Variants in NAV1 observed in about 807,000 individuals in gnomAD.
NAV1 encodes pore membrane and/or filament interacting like protein 3.
In NAV1, 18 loss-of-function variants were observed where a neutral mutation model predicts 175.2. The ratio of observed to expected loss-of-function variants is 0.10; its 90% CI spans 0.07 to 0.15. The LOEUF (loss-of-function observed/expected upper bound fraction) is 0.15, where lower values mean the gene tolerates loss of function less well. Among genes scored for constraint, NAV1 ranks in the 10% least tolerant of loss-of-function variants. NAV1 has a pLI of 1.00. For synonymous variants in NAV1, 897 were observed against 978.7 expected (o/e 0.92, Z 1.56); for missense variants, 1,731 against 2,436.6 (o/e 0.71, Z 6.10).
chr1:201,707,600 TTGA>T (rs1224629483), intron 1 of NAV1, among the ~76,000 whole-genome samples: 2 of 152,202 alleles, frequency 1.3e-5, no homozygotes, highest in African/African-American at 2.4e-5. Context: ...TCCCAATCTC[TTGA>T]TGAGCAATTT....
At position 201,808,787 on chromosome 1, in the gene NAV1, C is replaced by T. The variant is rs1678489667; in HGVS notation, c.4123C>T (p.Pro1375Ser). ...ATCAGGCTCCACTCCAGGGCAGGTC[C>T]CTGGATCATCTGCATTATCTTCCCC... The change falls in exon 20 of 30, where the codon CCT becomes TCT. Residue 1375 changes from proline (P) to serine (S), a missense_variant. Physicochemically the swap from Pro to Ser is moderately conservative, Grantham distance 74. Transcript: ENST00000367296. The surrounding 1 kb of genome is among the most constrained non-coding windows in gnomAD (Gnocchi z 5.5). The T allele has an allele frequency of 6.2e-7, 1 of 1,614,152 alleles. No individual in the cohort carries two copies.
chr1:201,758,698 G>T (rs990430042), intron 3 of NAV1, among the ~76,000 whole-genome samples: 8 of 152,204 alleles, frequency 5.3e-5, no homozygotes, highest in African/African-American at 1.4e-4. Flanking sequence ...ACACCGTTTG[G>T]AAAGCTGCCA....
intron 1 of NAV1, among the ~76,000 whole-genome samples, chr1:201,585,425 T>C (rs1666994400): frequency 6.6e-6 from 1 of 152,094 alleles, no homozygotes; most frequent in Non-Finnish European, 1.5e-5. Flanking sequence ...TGAGAAGCTC[T>C]TCATTCACAG....
intron 1 of NAV1, among the ~76,000 whole-genome samples, chr1:201,573,354 G>A (rs7519152): frequency 0.026 from 3,983 of 152,198 alleles, 161 homozygotes; most frequent in African/African-American, 0.09. Flanking sequence ...CACCTGTACC[G>A]TATTCACACT....
chr1:201,700,826 A>G (rs1405753269), intron 1 of NAV1, among the ~76,000 whole-genome samples: 1 of 151,980 alleles, frequency 6.6e-6, no homozygotes, highest in South Asian at 2.1e-4. Context: ...CCTGGCTAAC[A>G]TGGTGAAACC....
At chr1:201,696,113 G>A (rs1475009710) in intron 1 of NAV1, among the ~76,000 whole-genome samples, 1 of 152,186 alleles carries the variant, frequency 6.6e-6, no homozygotes, top group Non-Finnish European at 1.5e-5. Context: ...AGGTAGTGGG[G>A]ACAGGGCAGA....
At chr1:201,818,079 A>C (rs1158382081) in intron 29 of NAV1, among the ~76,000 whole-genome samples, 1 of 152,016 alleles carries the variant, frequency 6.6e-6, no homozygotes, top group East Asian at 1.9e-4. Flanking sequence ...AAAACAAAAA[A>C]ATTAGCTGGG....
At chr1:201,777,511 T>G (rs1378228594) in intron 3 of NAV1, among the ~76,000 whole-genome samples, 1 of 152,136 alleles carries the variant, frequency 6.6e-6, no homozygotes, top group East Asian at 1.9e-4. Flanking sequence ...CAGGCTGGTC[T>G]TGAACACCTG....
At chr1:201,672,924 G>A (rs888396893) in intron 1 of NAV1, among the ~76,000 whole-genome samples, 4 of 152,158 alleles carry the variant, frequency 2.6e-5, no homozygotes, top group African/African-American at 9.7e-5. Context: ...ATGCCAGTGG[G>A]GACGACTGAA....
exon 30 of NAV1, chr1:201,820,245 G>A: frequency 4.2e-6 from 1 of 237,460 alleles, no homozygotes; most frequent in Non-Finnish European, 8.2e-6. Flanking sequence ...AAACTCCTGG[G>A]CTTTCTGGGG....
chr1:201,808,183 G>A lies in NAV1; in HGVS notation c.3845+34G>A, dbSNP rs1379475069. On this transcript the variant is annotated intron_variant, in intron 18 of 29. Coordinates refer to ENST00000367296, the Ensembl canonical transcript of NAV1. The surrounding 1 kb of genome is among the most constrained non-coding windows in gnomAD (Gnocchi z 5.5). Reference sequence around the variant, plus strand: ...TCTTTGGCTCCCTGCCACCCAGCCTGTTACCAGTGTAAGCTGTGGGCTAGA... The same window carrying A: ...TCTTTGGCTCCCTGCCACCCAGCCTATTACCAGTGTAAGCTGTGGGCTAGA... 6 of 1,609,396 alleles carry A rather than the reference G, an allele frequency of 3.7e-6. No individual in the cohort carries two copies. The highest frequency in any genetic ancestry group is 5.1e-6 in the Non-Finnish European group (6 of 1,176,418).
At chr1:201,803,758 G>A (rs1465209180) in intron 16 of NAV1, 44 bp downstream of exon 20, 1 of 1,596,644 alleles carries the variant, frequency 6.3e-7, no homozygotes, top group African/African-American at 1.3e-5. Flanking sequence ...GAACCGTGGT[G>A]GACCGCCTTC....
chr1:201,601,970 G>A (rs1174825402), intron 2 of NAV1, among the ~76,000 whole-genome samples: 1 of 152,114 alleles, frequency 6.6e-6, no homozygotes. Context: ...GCCAGCTCAG[G>A]TTATCAGCTG....
At chr1:201,759,934 A>T (rs1674737723) in intron 3 of NAV1, among the ~76,000 whole-genome samples, 1 of 152,238 alleles carries the variant, frequency 6.6e-6, no homozygotes, top group Non-Finnish European at 1.5e-5. Flanking sequence ...AGCTCCTTCA[A>T]GTCCTGAGGT....
intron 1 of NAV1, among the ~76,000 whole-genome samples, chr1:201,583,724 T>G (rs570192364): frequency 6.6e-6 from 1 of 152,366 alleles, no homozygotes; most frequent in African/African-American, 2.4e-5. Context: ...GCCAGCTCCC[T>G]GGAGTAACTG....
intron 1 of NAV1, among the ~76,000 whole-genome samples, chr1:201,702,355 TTTTA>T (rs1428959500): frequency 6.6e-6 from 1 of 152,142 alleles, no homozygotes; most frequent in Admixed American, 6.5e-5. Context: ...GAACTGTACA[TTTTA>T]TTTGTTTTTT....
chr1:201,746,649 T>C (rs1188407305), intron 3 of NAV1, among the ~76,000 whole-genome samples: 1 of 151,942 alleles, frequency 6.6e-6, no homozygotes, highest in Non-Finnish European at 1.5e-5. Flanking sequence ...GAGCAGCACG[T>C]TAGGAGCGCA....
intron 3 of NAV1, among the ~76,000 whole-genome samples, chr1:201,758,532 C>T (rs1036793071): frequency 6.6e-6 from 1 of 152,184 alleles, no homozygotes; most frequent in African/African-American, 2.4e-5. Flanking sequence ...GAACTAACCT[C>T]ATTTCTTTTT....
chr1:201,789,885 G>A, intron 11 of NAV1, 93 bp downstream of exon 15: 1 of 1,216,316 alleles, frequency 8.2e-7, no homozygotes, highest in Non-Finnish European at 1.2e-6. Flanking sequence ...ACTGGGCGGG[G>A]GATGGGGGCA....
Sources: allele counts gnomAD v4.1 joint callset (sites outside exome capture counted in the v4.1 genomes callset), GRCh38; gene constraint gnomAD v4.1.1; non-coding constraint Gnocchi (gnomAD v3.1); transcripts MANE v1.5; gene names NCBI Gene and HGNC (gene_info 2026-07-23, HGNC 2026-07-21).